The following SLC22A14 variants were observed in gnomAD, a reference collection of about 807,000 sequenced individuals.
The protein encoded by SLC22A14 is organic cation transporter-like 4.
A neutral mutation model predicts 53.9 loss-of-function variants in SLC22A14; 50 were observed. The observed-to-expected ratio is 0.93, with a 90% CI of 0.74 to 1.17. SLC22A14 has a LOEUF of 1.17. Among genes scored for constraint, SLC22A14 ranks in the 50% most tolerant of loss-of-function variants. SLC22A14 has a pLI of 0.00. For synonymous variants in SLC22A14, 312 were observed against 303.0 expected, an observed-to-expected ratio of 1.03 and a Z score of -0.31; for missense variants, 671 against 734.7, an observed-to-expected ratio of 0.91 and a Z score of 1.00.
intron 5 of SLC22A14, 125 bp downstream of exon 5, chr3:38,309,247 G>T: frequency 1.2e-6 from 1 of 842,672 alleles, no homozygotes. Context: ...GCATGTGGAT[G>T]GGATGAGATA....
At chr3:38,278,907 T>C (rs1185858582), upstream of SLC22A14, among the ~76,000 whole-genome samples, 1 of 151,556 alleles carries the variant, frequency 6.6e-6, no homozygotes, top group Non-Finnish European at 1.5e-5. Flanking sequence ...CAGCACCTCC[T>C]TAGCCTGCAA....
chr3:38,299,119 T>C (rs1340553500), intron 1 of SLC22A14, among the ~76,000 whole-genome samples: 1 of 152,236 alleles, frequency 6.6e-6, no homozygotes, highest in East Asian at 1.9e-4. Context: ...GCAGTTATGA[T>C]GTTTATTTGT....
At chr3:38,316,199 G>T in intron 9 of SLC22A14, 125 bp from the exon 10 acceptor site, 1 of 810,686 alleles carries the variant, frequency 1.2e-6, no homozygotes, top group Non-Finnish European at 2.0e-6. Context: ...TTGCCTACTT[G>T]GAATCACACA....
intron 10 of SLC22A14, 79 bp from the exon 11 acceptor site, chr3:38,318,119 T>A (rs529755220): frequency 7.3e-7 from 1 of 1,360,712 alleles, no homozygotes; most frequent in African/African-American, 1.4e-5. Flanking sequence ...GGTTGGGCGC[T>A]GCTGAAGGCA....
In SLC22A14 at chr3:38,307,878, G is replaced by A. The variant is rs151623; in HGVS notation, c.775+158G>A. 0.085 allele frequency: 63,366 copies of A among 748,946 alleles called. 3,147 individuals are homozygous for A. Among genetic ancestry groups the A allele is most frequent in the African/African-American group, 0.12 (6,903 of 57,284 alleles). 46.4% of individuals were successfully genotyped at this position (748,946 alleles called of 1,614,324 possible). ...GAGGGCATGGCGGGGGTGTGGCAGC[G>A]TGGGCATCTGCTGGGATCCCACAGG... On this transcript the variant is annotated intron_variant, in intron 4 of 10. Coordinates refer to ENST00000448498, the MANE Select transcript of SLC22A14 (RefSeq NM_001320033.2). This position sits in a 1 kb window ranked among gnomAD's most constrained non-coding sequence, Gnocchi z 4.4.
At chr3:38,305,855 A>G in intron 1 of SLC22A14, 172 bp from the exon 2 acceptor site, 1 of 660,172 alleles carries the variant, frequency 1.5e-6, no homozygotes, top group South Asian at 1.9e-5. Flanking sequence ...GCCAGGGGGG[A>G]ATAAATCATG....
chr3:38,289,755 T>G (rs1211339296), intron 1 of SLC22A14, among the ~76,000 whole-genome samples: 1 of 151,840 alleles, frequency 6.6e-6, no homozygotes, highest in Non-Finnish European at 1.5e-5. Context: ...TCCGGAGGGG[T>G]GGAAGTCAGC....
chr3:38,299,282 C>G (rs1188773248), intron 1 of SLC22A14, among the ~76,000 whole-genome samples: 7 of 152,134 alleles, frequency 4.6e-5, no homozygotes. Flanking sequence ...AACAGTCTCT[C>G]CCCTCCCATT....
chr3:38,293,825 A>G (rs1703965357), intron 1 of SLC22A14, among the ~76,000 whole-genome samples: 2 of 152,158 alleles, frequency 1.3e-5, no homozygotes, highest in African/African-American at 2.4e-5. Context: ...TTGTCATCCT[A>G]TCATTGACCT....
At chr3:38,301,523 T>A (rs1197455108) in intron 1 of SLC22A14, among the ~76,000 whole-genome samples, 1 of 152,254 alleles carries the variant, frequency 6.6e-6, no homozygotes, top group Non-Finnish European at 1.5e-5. Flanking sequence ...GACTTTTATG[T>A]ATTCACATTA....
intron 1 of SLC22A14, among the ~76,000 whole-genome samples, chr3:38,301,215 T>C (rs1036292675): frequency 3.3e-5 from 5 of 152,234 alleles, no homozygotes; most frequent in African/African-American, 1.2e-4. Context: ...TCTGAACATG[T>C]GCAAGACATA....
chr3:38,304,339 T>C (rs948409629), intron 1 of SLC22A14, among the ~76,000 whole-genome samples: 1 of 152,182 alleles, frequency 6.6e-6, no homozygotes, highest in African/African-American at 2.4e-5. Context: ...TAATTTTCCA[T>C]CCACATTTTG....
Position 38,313,688 on chromosome 3 carries a change from G to GTGTGCGCGCGCA in SLC22A14, c.1164-39_1164-38insTGTGCGCGCGCA, listed in dbSNP as rs1553644873. ...TTTATTCCTGGCTCCGTGTGTGTGC[G>GTGTGCGCGCGCA]CGCGTGTGCACGCGCACTTGCCTCC... On this transcript the variant is annotated intron_variant, in intron 7 of 10. Coordinates refer to ENST00000448498, the MANE Select transcript of SLC22A14 (RefSeq NM_001320033.2). The GTGTGCGCGCGCA allele has an allele frequency of 6.6e-6, 9 of 1,361,592 alleles. No individual in the cohort carries two copies. In the South Asian group the frequency reaches 9.2e-5, roughly 14 times the overall value. 84.3% of individuals were successfully genotyped at this position (1,361,592 alleles called of 1,614,324 possible). A position where few individuals can be genotyped will look rare whatever the true frequency, so the allele number is the denominator to read the frequency against.
intron 10 of SLC22A14, 93 bp from the exon 11 acceptor site, chr3:38,318,105 G>A (rs1704670611): frequency 4.3e-6 from 5 of 1,165,270 alleles, no homozygotes; most frequent in Middle Eastern, 2.3e-4. Flanking sequence ...TCTTGGGAAC[G>A]CAGGGTTGGG....
chr3:38,315,552 C>A lies in SLC22A14; in HGVS notation c.1379-6C>A, dbSNP rs763937555. ...CTGATGAGTGGAACTCCTTCACCCA[C>A]CCCAGGGGAGGATGGCCTCAGACTC... is the stretch of plus-strand genomic sequence containing the variant. On this transcript the variant is annotated splice_region_variant and splice_polypyrimidine_tract_variant and intron_variant, in intron 8 of 10. Coordinates refer to ENST00000448498, the MANE Select transcript of SLC22A14 (RefSeq NM_001320033.2). 12 of 1,612,746 alleles carry A rather than the reference C, an allele frequency of 7.4e-6. No homozygotes were observed. In the African/African-American group the frequency reaches 1.6e-4, roughly 22 times the overall value.
Position 38,301,191 on chromosome 3 carries a change from C to T in SLC22A14, c.1-4836C>T, listed in dbSNP as rs1231405616. Among the ~76,000 whole-genome samples, 3 of 152,220 alleles carry T rather than the reference C, an allele frequency of 2.0e-5. No individual in the cohort carries two copies. In the East Asian group the frequency reaches 5.8e-4, roughly 29 times the overall value. On this transcript the variant is annotated intron_variant, in intron 1 of 10. Coordinates refer to ENST00000448498, the MANE Select transcript of SLC22A14 (RefSeq NM_001320033.2). ...CCAGAAGCCAGCCAAAGACTAATCA[C>T]TCAAGCAGTCCTTTCTGAACATGTG...
At chr3:38,285,079 A>G (rs1246768849) in intron 1 of SLC22A14, among the ~76,000 whole-genome samples, 1 of 152,248 alleles carries the variant, frequency 6.6e-6, no homozygotes, top group African/African-American at 2.4e-5. Flanking sequence ...AGTAGCTACC[A>G]TGAAGTAAAC....
chr3:38,309,832 C>G (rs1704420529), intron 5 of SLC22A14, among the ~76,000 whole-genome samples: 2 of 152,132 alleles, frequency 1.3e-5, no homozygotes, highest in South Asian at 4.1e-4. Context: ...TTAGGCAGTT[C>G]TGCATGAAGC....
intron 1 of SLC22A14, among the ~76,000 whole-genome samples, chr3:38,302,329 T>TG (rs1704185869): frequency 1.4e-5 from 2 of 146,074 alleles, no homozygotes; most frequent in Non-Finnish European, 3.0e-5. Flanking sequence ...TACATATATA[T>TG]TTATATATAT....
Sources: gnomAD v4.1 joint callset for allele counts (sites outside exome capture counted in the v4.1 genomes callset) on GRCh38, gnomAD v4.1.1 for gene constraint, Gnocchi (gnomAD v3.1) non-coding constraint, MANE v1.5 for transcripts, NCBI Gene and HGNC (gene_info 2026-07-23, HGNC 2026-07-21) for gene names.